CDKL4: variants seen among roughly 807,000 people sequenced by gnomAD.
CDKL4 encodes cyclin-dependent kinase-like 4.
Under a neutral mutation model 42.0 loss-of-function variants are expected in CDKL4, and 44 were observed. The ratio of observed to expected loss-of-function variants is 1.05; its 90% confidence interval spans 0.82 to 1.35. The LOEUF (loss-of-function observed/expected upper bound fraction) is 1.35, where lower values mean the gene tolerates loss of function less well. Ranked by LOEUF, CDKL4 falls within the 40% of genes most tolerant of loss-of-function variation. The pLI, the probability that CDKL4 is intolerant of heterozygous loss-of-function variation, is 0.00. For missense variants in CDKL4, 393 were observed against 369.9 expected (o/e 1.06, Z -0.51); for synonymous variants, 120 against 121.6 (o/e 0.99, Z 0.09).
Position 39,177,496 on chromosome 2 carries a change from C to T in CDKL4, c.928-1400G>A, listed in dbSNP as rs189517317. Among the ~76,000 whole-genome samples the T allele has an allele frequency of 5.9e-4, 89 of 151,690 alleles. 3 individuals carry two copies. The East Asian group carries it at 0.017, about 28-fold the overall frequency. ...CTCGGCTCACTGCAACCTCCGCCTC[C>T]AGGGTTTAAGCGATTCTCCTGCCTC... On this transcript the variant is annotated intron_variant, in intron 9 of 9. Coordinates refer to ENST00000451199, the Ensembl canonical transcript of CDKL4.
At chr2:39,179,776 C>T (rs182207721) in intron 8 of CDKL4, among the ~76,000 whole-genome samples, 11 of 152,214 alleles carry the variant, frequency 7.2e-5, no homozygotes, top group Admixed American at 4.6e-4. Context: ...TGGGTGATTC[C>T]GATGCCCATA....
intron 1 of CDKL4, among the ~76,000 whole-genome samples, chr2:39,242,175 AGCTGAGACTACAG>A (rs1474207540): frequency 6.6e-6 from 1 of 151,676 alleles, no homozygotes; most frequent in African/African-American, 2.4e-5. Context: ...CCTCTTGAGT[AGCTGAGACTACAG>A]GCATGTGCCA....
At position 39,201,979 on chromosome 2, in the gene CDKL4, C is replaced by A. The variant is rs569140953; in HGVS notation, c.454+2548G>T. Among the ~76,000 whole-genome samples, 3 of 152,240 alleles carry A rather than the reference C, an allele frequency of 2.0e-5. No individual in the cohort carries two copies. In the South Asian group the frequency reaches 6.2e-4, roughly 32 times the overall value. On this transcript the variant is annotated intron_variant, in intron 5 of 9. Transcript: ENST00000451199. ...AGGTGTGGTGGCTAACACATGTAAT[C>A]CCAGCACTTTGGGAGGCCGAGGCAG...
At chr2:39,220,744 C>A (rs1678257742) in intron 3 of CDKL4, among the ~76,000 whole-genome samples, 1 of 151,900 alleles carries the variant, frequency 6.6e-6, no homozygotes, top group Admixed American at 6.6e-5. Context: ...GCCACCACGC[C>A]TGGCTAATTT....
chr2:39,197,689 T>C (rs1406972728), intron 5 of CDKL4, among the ~76,000 whole-genome samples: 1 of 152,178 alleles, frequency 6.6e-6, no homozygotes, highest in African/African-American at 2.4e-5. Flanking sequence ...ATCTTTAGCC[T>C]CCTTAAACAA....
chr2:39,203,416 C>CTA (rs59721649), intron 5 of CDKL4, among the ~76,000 whole-genome samples: 2,503 of 152,032 alleles, frequency 0.016, 75 homozygotes, highest in African/African-American at 0.057. Context: ...ATTTTTGTGA[C>CTA]AATTGGGTAT....
At chr2:39,228,078 T>C (rs1678866837) in intron 2 of CDKL4, among the ~76,000 whole-genome samples, 1 of 152,186 alleles carries the variant, frequency 6.6e-6, no homozygotes, top group Non-Finnish European at 1.5e-5. Context: ...AGGCTAGTTT[T>C]TACCTTACAG....
intron 9 of CDKL4, among the ~76,000 whole-genome samples, chr2:39,177,774 T>C (rs1370057062): frequency 6.7e-6 from 1 of 149,738 alleles, no homozygotes; most frequent in Admixed American, 6.7e-5. Context: ...ACTGCAACTC[T>C]GCCTCCCGGG....
intron 9 of CDKL4, chr2:39,178,935 A>C: frequency 6.9e-7 from 1 of 1,447,384 alleles, no homozygotes; most frequent in Non-Finnish European, 9.1e-7. Context: ...ATATCCAATC[A>C]GAGCAGCCAA....
rs1249542717 is a variant in CDKL4, at chr2:39,178,065, A to AT, written c.927+1121dup. On this transcript the variant is annotated intron_variant, in intron 9 of 9. Coordinates refer to ENST00000451199, the Ensembl canonical transcript of CDKL4. Reference sequence around the variant, plus strand: ...CAGATTGCTGCCTCAGCGATCTTTAATTTTTTTTGTTGTTATTTAAGTATA... The same window carrying AT: ...CAGATTGCTGCCTCAGCGATCTTTAATTTTTTTTTGTTGTTATTTAAGTATA... 6.6e-5 allele frequency among the ~76,000 whole-genome samples: 10 copies of AT among 152,190 alleles called. No individual in the cohort carries two copies. The South Asian group carries it at 1.4e-3, about 22-fold the overall frequency.
chr2:39,175,094 G>C (rs967154943), downstream of CDKL4, among the ~76,000 whole-genome samples: 1 of 152,118 alleles, frequency 6.6e-6, no homozygotes, highest in East Asian at 1.9e-4. Flanking sequence ...TAATCTTCCT[G>C]CTCTTGTGTT....
chr2:39,241,564 C>T lies in CDKL4; in HGVS notation c.-57+2307G>A, dbSNP rs374475724. 2.0e-4 allele frequency among the ~76,000 whole-genome samples: 30 copies of T among 152,282 alleles called. No homozygotes were observed. In the East Asian group the frequency reaches 3.1e-3, roughly 16 times the overall value. ...GTATGATATTTACAGTTCTGTACGC[C>T]GTGGCCCCAATTTACCTTGCCAGCA... On this transcript the variant is annotated intron_variant, in intron 1 of 9. Transcript: ENST00000451199.
intron 1 of CDKL4, among the ~76,000 whole-genome samples, chr2:39,237,593 C>T (rs1168839226): frequency 2.0e-5 from 3 of 152,234 alleles, no homozygotes; most frequent in Non-Finnish European, 4.4e-5. Flanking sequence ...CAGTGGCTCA[C>T]ACCTCTAACC....
exon 2 of CDKL4, chr2:39,229,586 C>T: frequency 7.1e-7 from 1 of 1,406,116 alleles, no homozygotes; most frequent in Non-Finnish European, 9.7e-7. Flanking sequence ...TACAATGCTG[C>T]ACCTGGAAAA....
chr2:39,183,911 A>C (rs1675581323), intron 8 of CDKL4, among the ~76,000 whole-genome samples: 1 of 152,178 alleles, frequency 6.6e-6, no homozygotes, highest in African/African-American at 2.4e-5. Flanking sequence ...CTGGTCTACA[A>C]AAGTTGACTC....
downstream of CDKL4, among the ~76,000 whole-genome samples, chr2:39,172,216 G>A (rs1675017775): frequency 6.6e-6 from 1 of 151,858 alleles, no homozygotes; most frequent in African/African-American, 2.4e-5. Flanking sequence ...GGAGGCTGAG[G>A]CAGGAGAATC....
chr2:39,237,488 T>C (rs1414698684), intron 1 of CDKL4, among the ~76,000 whole-genome samples: 1 of 152,222 alleles, frequency 6.6e-6, no homozygotes, highest in Non-Finnish European at 1.5e-5. Context: ...TCACTATTTT[T>C]ATTTATCATT....
chr2:39,182,944 A>C (rs1031922764), intron 8 of CDKL4, among the ~76,000 whole-genome samples: 1 of 152,198 alleles, frequency 6.6e-6, no homozygotes, highest in African/African-American at 2.4e-5. Context: ...ATTCGGTCCC[A>C]TGGGATAAAC....
intron 9 of CDKL4, among the ~76,000 whole-genome samples, chr2:39,176,318 C>T (rs921968077): frequency 1.3e-5 from 2 of 152,202 alleles, no homozygotes; most frequent in Non-Finnish European, 2.9e-5. Context: ...GGATATACTA[C>T]TATTTATTTC....
Sources: gnomAD v4.1 joint callset for allele counts (sites outside exome capture counted in the v4.1 genomes callset) on GRCh38, gnomAD v4.1.1 for gene constraint, MANE v1.5 for transcripts, NCBI Gene and HGNC (gene_info 2026-07-23, HGNC 2026-07-21) for gene names.